The following WDR75 variants were observed in gnomAD, a reference collection of about 807,000 sequenced individuals.
WDR75 encodes WD repeat-containing protein 75.
WDR75 carries 52 observed loss-of-function variants against 106.1 expected under a neutral mutation model. The ratio of observed to expected loss-of-function variants is 0.49; its 90% CI spans 0.39 to 0.62. The LOEUF is 0.62. WDR75 is among the 20% of genes least tolerant of loss of function. WDR75 has a pLI of 0.00. For synonymous variants in WDR75, 333 were observed against 335.5 expected (o/e 0.99, Z 0.08); for missense variants, 905 against 970.3 (o/e 0.93, Z 0.89).
At chr2:189,461,119 T>C (rs1558985951) in intron 8 of WDR75, among the ~76,000 whole-genome samples, 1 of 152,236 alleles carries the variant, frequency 6.6e-6, no homozygotes, top group Non-Finnish European at 1.5e-5. Flanking sequence ...AGCTAGATTT[T>C]ATCAGCTTGC....
intron 1 of WDR75, 89 bp downstream of exon 1, chr2:189,441,667 C>T (rs1686368590): frequency 1.4e-6 from 2 of 1,422,546 alleles, no homozygotes; most frequent in Non-Finnish European, 1.9e-6. Context: ...CGCGTTCGGA[C>T]TCGCCCGCCT....
intron 1 of WDR75, among the ~76,000 whole-genome samples, chr2:189,442,442 C>CTTTTT (rs1188214718): frequency 0.022 from 1,593 of 73,924 alleles, 413 homozygotes; most frequent in Non-Finnish European, 0.03. Flanking sequence ...CCACAATATT[C>CTTTTT]TTTTTTTTTT....
chr2:189,474,433 C>A, intron 19 of WDR75, 101 bp downstream of exon 19: 2 of 1,315,362 alleles, frequency 1.5e-6, no homozygotes. Flanking sequence ...TGCTGTACAA[C>A]TTTAATACCC....
At chr2:189,455,174 G>A (rs777311319) in intron 4 of WDR75, 146 bp from the exon 5 acceptor site, 25 of 840,252 alleles carry the variant, frequency 3.0e-5, no homozygotes, top group Non-Finnish European at 4.0e-5. Context: ...CTGGGAGGCA[G>A]AGGTTGCAGT....
At chr2:189,446,030 G>A (rs73978627) in intron 1 of WDR75, among the ~76,000 whole-genome samples, 49 of 152,250 alleles carry the variant, frequency 3.2e-4, no homozygotes, top group African/African-American at 1.2e-3. Context: ...TTGGCCAACA[G>A]TAGCCCCCTA....
chr2:189,448,506 C>A lies in WDR75; in HGVS notation c.214C>A (p.Gln72Lys). The stretch of plus-strand genomic sequence containing the variant: ...CCAGCTTAACCCCAACAACCATCTA[C>A]AGGTGTCAAACAGTTTATAGCTGAA... ...GIQLNPNNHL[Q>K]LYSCSLDGTI... The change falls in exon 2 of 21, where the codon CAG becomes AAG. Residue 72 changes from glutamine to lysine, a missense_variant and splice_region_variant. By Grantham distance (53) the Gln-to-Lys change is moderately conservative. Coordinates refer to ENST00000314761, the MANE Select transcript of WDR75 (RefSeq NM_032168.3). 6.2e-7 allele frequency: 1 copy of A among 1,613,778 alleles called. No individual in the cohort carries two copies. Among genetic ancestry groups the A allele is most frequent in the Non-Finnish European group, 8.5e-7 (1 of 1,179,768 alleles).
At chr2:189,456,397 A>G (rs1475603383) in intron 5 of WDR75, among the ~76,000 whole-genome samples, 1 of 152,148 alleles carries the variant, frequency 6.6e-6, no homozygotes, top group Non-Finnish European at 1.5e-5. Flanking sequence ...CAGCAAGAGA[A>G]TAAACAAATG....
chr2:189,452,175 G>A (rs1452295486), intron 4 of WDR75: 1 of 312,924 alleles, frequency 3.2e-6, no homozygotes, highest in Non-Finnish European at 5.9e-6. Context: ...TCTTTCTACT[G>A]AACTTAAATC....
chr2:189,461,505 A>G (rs1227259614), intron 8 of WDR75, among the ~76,000 whole-genome samples: 2 of 152,112 alleles, frequency 1.3e-5, no homozygotes, highest in Non-Finnish European at 2.9e-5. Flanking sequence ...GTTCTCATAT[A>G]TATTTTTCAC....
chr2:189,471,856 C>A (rs1048722855), intron 18 of WDR75, among the ~76,000 whole-genome samples: 1 of 152,116 alleles, frequency 6.6e-6, no homozygotes, highest in Non-Finnish European at 1.5e-5. Flanking sequence ...TAAGACCTTG[C>A]ATGTTTGGAA....
At chr2:189,463,538 A>G (rs1382576775) in intron 9 of WDR75, among the ~76,000 whole-genome samples, 156 bp from the exon 10 acceptor site, 1 of 151,814 alleles carries the variant, frequency 6.6e-6, no homozygotes, top group Non-Finnish European at 1.5e-5. Context: ...ACTAACACTA[A>G]TGATAGCTGA....
At chr2:189,442,604 C>G (rs1026292454) in intron 1 of WDR75, among the ~76,000 whole-genome samples, 3 of 151,950 alleles carry the variant, frequency 2.0e-5, no homozygotes, top group African/African-American at 7.3e-5. Context: ...GCGCGGGCCA[C>G]CACGCCCGCT....
Position 189,448,506 on chromosome 2 carries a change from C to T in WDR75, c.214C>T (p.Gln72Ter). ...CCAGCTTAACCCCAACAACCATCTACAGGTGTCAAACAGTTTATAGCTGAA... is the reference window on the plus strand; with the variant it reads ...CCAGCTTAACCCCAACAACCATCTATAGGTGTCAAACAGTTTATAGCTGAA... ...GIQLNPNNHLQLYSCSLDGTI... is the reference protein window; with the variant it reads ...GIQLNPNNHL Residue 72 changes from glutamine (Q) to a stop codon, truncating the protein, a stop_gained and splice_region_variant, in exon 2 of 21, where the codon CAG becomes TAG. Coordinates refer to ENST00000314761, the MANE Select transcript of WDR75 (RefSeq NM_032168.3). LOFTEE classifies it high-confidence loss of function. 1 of 1,613,778 alleles carries T rather than the reference C, an allele frequency of 6.2e-7. No individual in the cohort carries two copies. Among genetic ancestry groups the T allele is most frequent in the Non-Finnish European group, 8.5e-7 (1 of 1,179,768 alleles).
At chr2:189,443,110 C>T (rs1686421797) in intron 1 of WDR75, among the ~76,000 whole-genome samples, 1 of 152,164 alleles carries the variant, frequency 6.6e-6, no homozygotes, top group Non-Finnish European at 1.5e-5. Context: ...TTGATCCTGC[C>T]TTCGAGGAGC....
At chr2:189,457,457 T>C in intron 6 of WDR75, 76 bp downstream of exon 6, 1 of 936,556 alleles carries the variant, frequency 1.1e-6, no homozygotes, top group Non-Finnish European at 1.6e-6. Flanking sequence ...CTAATACCTA[T>C]AGTCCAAAGC....
chr2:189,447,243 T>G, intron 1 of WDR75, among the ~76,000 whole-genome samples: 1 of 152,200 alleles, frequency 6.6e-6, no homozygotes, highest in East Asian at 1.9e-4. Context: ...TTCTGCGCCT[T>G]GTTCTGTGAT....
At chr2:189,465,043 A>T in intron 11 of WDR75, 36 bp from the exon 12 acceptor site, 1 of 1,440,108 alleles carries the variant, frequency 6.9e-7, no homozygotes, top group Non-Finnish European at 9.5e-7. Flanking sequence ...TTATGTTAAT[A>T]AACATTTTGG....
chr2:189,456,968 GCA>G (rs1558984335), intron 5 of WDR75, among the ~76,000 whole-genome samples: 1 of 152,028 alleles, frequency 6.6e-6, no homozygotes, highest in South Asian at 2.1e-4. Flanking sequence ...TGGGCCGGGC[GCA>G]GTGGCTCACT....
chr2:189,462,394 C>G, intron 8 of WDR75, 90 bp from the exon 9 acceptor site: 1 of 1,415,466 alleles, frequency 7.1e-7, no homozygotes, highest in Non-Finnish European at 9.7e-7. Flanking sequence ...TTCTCTAGTA[C>G]GGTAGCAAAA....
Sources: gnomAD v4.1 joint callset for allele counts (sites outside exome capture counted in the v4.1 genomes callset) on GRCh38, gnomAD v4.1.1 for gene constraint, MANE v1.5 for transcripts, NCBI Gene and HGNC (gene_info 2026-07-23, HGNC 2026-07-21) for gene names.